The following HIVEP1 variants were observed in gnomAD, a reference collection of about 807,000 sequenced individuals.
The protein encoded by HIVEP1 is HIVEP zinc finger 1.
In HIVEP1, 36 loss-of-function variants were observed where a neutral mutation model predicts 180.0. The observed-to-expected ratio is 0.20, with a 90% CI of 0.15 to 0.26. HIVEP1 has a LOEUF of 0.26. Ranked by LOEUF, HIVEP1 falls within the 10% of genes least tolerant of loss-of-function variation. HIVEP1 has a pLI of 1.00. For missense variants in HIVEP1, 3,143 were observed against 3,268.7 expected (o/e 0.96, Z 0.94); for synonymous variants, 1,239 against 1,239.0 (o/e 1.00, Z 0.00).
intron 2 of HIVEP1, among the ~76,000 whole-genome samples, chr6:12,079,109 A>T (rs892720271): frequency 1.3e-5 from 2 of 152,152 alleles, no homozygotes; most frequent in African/African-American, 4.8e-5. Context: ...ATCCAGTGGG[A>T]AGAGGAAACC....
intron 3 of HIVEP1, among the ~76,000 whole-genome samples, chr6:12,106,015 C>CAT (rs1253695054): frequency 6.6e-6 from 1 of 151,124 alleles, no homozygotes; most frequent in African/African-American, 2.4e-5. Flanking sequence ...CACATATATA[C>CAT]ATATATATAC....
Position 12,119,914 on chromosome 6 carries a change from G to T in HIVEP1, c.119G>T (p.Gly40Val). The part of the protein sequence containing the change: ...KKEILQAGVK[G>V]TSESLKGVKR... ...GAAATCTTACAGGCTGGTGTTAAAGGAACTTCGGAATCCCTTAAAGGTGTG... is the reference window on the plus strand; with the variant it reads ...GAAATCTTACAGGCTGGTGTTAAAGTAACTTCGGAATCCCTTAAAGGTGTG... The change falls in exon 4 of 9, where the codon GGA becomes GTA. Residue 40 changes from glycine (G) to valine (V), a missense_variant. This residue lies in a region of HIVEP1 where 114 missense variants were observed against 134.5 expected (regional missense o/e 0.85). Coordinates refer to ENST00000379388, the MANE Select transcript of HIVEP1 (RefSeq NM_002114.4). 6.4e-7 allele frequency: 1 copy of T among 1,569,782 alleles called. No homozygotes were observed. Among genetic ancestry groups the T allele is most frequent in the South Asian group, 1.2e-5 (1 of 83,250 alleles).
chr6:12,103,929 T>A (rs1774255015), intron 3 of HIVEP1, among the ~76,000 whole-genome samples: 1 of 152,216 alleles, frequency 6.6e-6, no homozygotes, highest in Admixed American at 6.5e-5. Context: ...TCTATTTCAC[T>A]TTCATTGTTG....
intron 2 of HIVEP1, among the ~76,000 whole-genome samples, chr6:12,068,864 G>T (rs1771776952): frequency 6.8e-6 from 1 of 148,020 alleles, no homozygotes; most frequent in Non-Finnish European, 1.5e-5. Flanking sequence ...AACTAATACA[G>T]AAGCATATAC....
chr6:12,164,089 C>A lies in HIVEP1; in HGVS notation c.7785C>A (p.Ser2595Arg), dbSNP rs1760592528. ...QTSVASANQVSRTESPQGLPT... is the reference protein window; with the variant it reads ...QTSVASANQVRRTESPQGLPT... ...CTGTAGCCAGCGCAAACCAGGTCAG[C>A]AGGACCGAGTCTCCTCAGGGGTTAC... Residue 2595 changes from serine to arginine, a missense_variant, in exon 9 of 9, where the codon AGC becomes AGA. By Grantham distance (110) the Ser-to-Arg change is moderately radical. Around this residue, in one of 12 missense-constraint regions of HIVEP1, gnomAD observed 595 missense variants for 602.2 expected, o/e 0.99. Transcript: ENST00000379388. The A allele has an allele frequency of 6.2e-7, 1 of 1,614,176 alleles. No individual in the cohort carries two copies.
chr6:12,015,730 T>C (rs1396636890), intron 2 of HIVEP1, 62 bp downstream of exon 2: 5 of 1,477,656 alleles, frequency 3.4e-6, no homozygotes, highest in African/African-American at 1.4e-5. Context: ...AGTATCTCTT[T>C]GGTGACAGGA....
chr6:12,173,656 G>T, the HIVEP1 span, among the ~76,000 whole-genome samples: 1 of 152,028 alleles, frequency 6.6e-6, no homozygotes, highest in African/African-American at 2.4e-5. Context: ...CTATATATCT[G>T]TGGGCTTGAA....
chr6:12,024,209 G>A (rs1187924681), intron 2 of HIVEP1, among the ~76,000 whole-genome samples: 3 of 150,608 alleles, frequency 2.0e-5, no homozygotes, highest in Admixed American at 6.6e-5. Context: ...TGATCATGAG[G>A]CTTTAGGCTT....
intron 2 of HIVEP1, among the ~76,000 whole-genome samples, chr6:12,073,668 T>C (rs116259271): frequency 2.1e-4 from 32 of 152,332 alleles, no homozygotes; most frequent in African/African-American, 7.2e-4. Context: ...ATTAAAAATA[T>C]ATATTTTCTC....
chr6:12,174,022 G>A, the HIVEP1 span, among the ~76,000 whole-genome samples: 9 of 152,038 alleles, frequency 5.9e-5, no homozygotes, highest in African/African-American at 1.2e-4. Flanking sequence ...TATTTATTTC[G>A]GAACATCTCT....
At position 12,122,191 on chromosome 6, in the gene HIVEP1, T is replaced by G. The variant is rs765201414; in HGVS notation, c.2396T>G (p.Val799Gly). Residue 799 changes from valine to glycine, a missense_variant, in exon 4 of 9, where the codon GTG becomes GGG. Coordinates refer to ENST00000379388, the MANE Select transcript of HIVEP1 (RefSeq NM_002114.4). ...TCTTTCCAGTTTGATTTAAAACCAG[T>G]GGGACGGAGAACAAGTTCAAGCTCT... Reference protein sequence around the residue: ...KDSFQFDLKPVGRRTSSSSDI... With the variant: ...KDSFQFDLKPGGRRTSSSSDI... 2 of 1,614,202 alleles carry G rather than the reference T, an allele frequency of 1.2e-6. No individual in the cohort carries two copies. Among genetic ancestry groups the G allele is most frequent in the Middle Eastern group, 1.6e-4 (1 of 6,062 alleles).
intron 2 of HIVEP1, among the ~76,000 whole-genome samples, chr6:12,067,392 A>T (rs548563264): frequency 2.0e-5 from 3 of 152,314 alleles, no homozygotes; most frequent in African/African-American, 7.2e-5. Flanking sequence ...AACTTTTCTC[A>T]TGAATTCTTT....
chr6:12,024,536 G>A (rs1171854424), intron 2 of HIVEP1, among the ~76,000 whole-genome samples: 1 of 152,134 alleles, frequency 6.6e-6, no homozygotes, highest in African/African-American at 2.4e-5. Flanking sequence ...GTGCCTGTGT[G>A]ACTAGAGTAT....
intron 2 of HIVEP1, among the ~76,000 whole-genome samples, chr6:12,025,137 GC>G (rs1295914244): frequency 1.3e-5 from 2 of 152,132 alleles, no homozygotes; most frequent in Non-Finnish European, 2.9e-5. Context: ...GGGTCACATA[GC>G]TAGGAGTCTG....
At chr6:12,148,193 A>T (rs181493528) in intron 7 of HIVEP1, among the ~76,000 whole-genome samples, 1 of 152,336 alleles carries the variant, frequency 6.6e-6, no homozygotes, top group East Asian at 1.9e-4. Flanking sequence ...CTACAGTTTC[A>T]AGTTTTGAAG....
chr6:12,125,222 C>T lies in HIVEP1; in HGVS notation c.5427C>T (p.Asp1809=), dbSNP rs370148264. The change falls in exon 4 of 9, where the codon GAC becomes GAT. Residue 1809 remains aspartate, a synonymous_variant. Coordinates refer to ENST00000379388, the MANE Select transcript of HIVEP1 (RefSeq NM_002114.4). ...AGGTTTGTACTACAGAGCCCCTGGA[C>T]GGTGTGATGTTGGAAAAGGATGTTT... ...VRQVCTTEPL[D]GVMLEKDVFS... is the part of the protein sequence containing the mutation. 1.9e-5 allele frequency: 30 copies of T among 1,613,968 alleles called. No homozygotes were observed. Among genetic ancestry groups the T allele is most frequent in the Middle Eastern group, 1.6e-4 (1 of 6,082 alleles).
At chr6:12,170,476 A>G in the HIVEP1 span, among the ~76,000 whole-genome samples, 1 of 152,210 alleles carries the variant, frequency 6.6e-6, no homozygotes, top group Non-Finnish European at 1.5e-5. Context: ...AGGAAGGATT[A>G]TCTCTTCGTT....
intron 3 of HIVEP1, among the ~76,000 whole-genome samples, chr6:12,105,138 C>G (rs1290669376): frequency 1.3e-5 from 2 of 152,180 alleles, no homozygotes; most frequent in Non-Finnish European, 2.9e-5. Context: ...ATCTAAGATT[C>G]ATCTTAATTG....
rs557517266 is a variant in HIVEP1 at position 12,153,605 on chromosome 6, T to TA, written c.6488-7832dup. ...AAAAAAAAAAAAAATAGATACAAGATAAGAGCACTTTTAGGTTCTAAGAAT... is the reference window on the plus strand; with the variant it reads ...AAAAAAAAAAAAAATAGATACAAGATAAAGAGCACTTTTAGGTTCTAAGAAT... On this transcript the variant is annotated intron_variant, in intron 7 of 8. Transcript: ENST00000379388. Among the ~76,000 whole-genome samples, 21 of 146,312 alleles carry TA rather than the reference T, an allele frequency of 1.4e-4. No individual in the cohort carries two copies. The South Asian group carries it at 4.3e-3, about 30-fold the overall frequency.
Sources: allele counts gnomAD v4.1 joint callset (sites outside exome capture counted in the v4.1 genomes callset), GRCh38; gene constraint gnomAD v4.1.1; regional missense constraint gnomAD v4.1.1; transcripts MANE v1.5; gene names NCBI Gene and HGNC (gene_info 2026-07-23, HGNC 2026-07-21).